TAFA1: variants seen among roughly 807,000 people sequenced by gnomAD.
TAFA1 encodes TAFA chemokine like family member 1, also known as chemokine-like protein TAFA-1.
Under a neutral mutation model 18.5 loss-of-function variants are expected in TAFA1, and 4 were observed. The ratio of observed to expected loss-of-function variants is 0.22; its 90% CI spans 0.11 to 0.49. The LOEUF is 0.49. Among genes scored for constraint, TAFA1 ranks in the 20% least tolerant of loss-of-function variants. The pLI is 0.98. For synonymous variants in TAFA1, 56 were observed against 55.2 expected, an observed-to-expected ratio of 1.01 and a Z score of -0.06; for missense variants, 147 against 169.0, an observed-to-expected ratio of 0.87 and a Z score of 0.72.
At chr3:67,996,508 G>C in the TAFA1 span, among the ~76,000 whole-genome samples, 2 of 152,076 alleles carry the variant, frequency 1.3e-5, no homozygotes, top group African/African-American at 4.8e-5. Context: ...GTCCAGAATG[G>C]TATAATATGG....
At chr3:68,263,221 A>T (rs909358143) in intron 2 of TAFA1, among the ~76,000 whole-genome samples, 3 of 152,104 alleles carry the variant, frequency 2.0e-5, no homozygotes, top group African/African-American at 7.2e-5. Flanking sequence ...AAATTGGTAA[A>T]AGTATACTTC....
At chr3:68,266,192 G>A (rs776871195) in intron 2 of TAFA1, among the ~76,000 whole-genome samples, 12 of 152,102 alleles carry the variant, frequency 7.9e-5, no homozygotes, top group Admixed American at 5.9e-4. Context: ...CTCATGTAGC[G>A]CGCTTTAATT....
chr3:68,372,518 T>C (rs2069727653), intron 2 of TAFA1, among the ~76,000 whole-genome samples: 1 of 152,178 alleles, frequency 6.6e-6, no homozygotes, highest in Admixed American at 6.5e-5. Flanking sequence ...TCTTTGGTGT[T>C]CCTCTGGGCA....
intron 2 of TAFA1, among the ~76,000 whole-genome samples, chr3:68,181,489 C>A (rs1245814612): frequency 6.6e-6 from 1 of 151,890 alleles, no homozygotes; most frequent in Non-Finnish European, 1.5e-5. Context: ...TACTCAGTAA[C>A]TATGAAGTAA....
rs565712443 is a variant in TAFA1 at position 68,138,979 on chromosome 3, C to T, written c.118+132235C>T. On this transcript the variant is annotated intron_variant, in intron 2 of 4. Transcript: ENST00000478136. ...AAGGGAGAAACTAAGAATGAACCAG[C>T]ATATCGACAGTTCCTCTGCTTTGTT... Among the ~76,000 whole-genome samples the T allele has an allele frequency of 2.0e-5, 3 of 152,304 alleles. No individual in the cohort carries two copies. In the East Asian group the frequency reaches 5.8e-4, roughly 29 times the overall value.
intron 2 of TAFA1, among the ~76,000 whole-genome samples, chr3:68,108,874 A>T (rs914269726): frequency 6.6e-6 from 1 of 152,088 alleles, no homozygotes; most frequent in Non-Finnish European, 1.5e-5. Context: ...ATCCCATTTC[A>T]CTCTGTAGAA....
chr3:68,479,423 A>C (rs552930011), intron 3 of TAFA1, among the ~76,000 whole-genome samples: 1 of 151,882 alleles, frequency 6.6e-6, no homozygotes, highest in Non-Finnish European at 1.5e-5. Context: ...AGCTCTTTCA[A>C]TGTCCTAAAT....
intron 2 of TAFA1, among the ~76,000 whole-genome samples, chr3:68,279,188 T>G (rs1054603885): frequency 2.6e-5 from 4 of 152,130 alleles, no homozygotes; most frequent in African/African-American, 9.7e-5. Context: ...AGAACCAGGA[T>G]AGCTAAAAAA....
intron 3 of TAFA1, among the ~76,000 whole-genome samples, chr3:68,499,444 T>C (rs1256791338): frequency 1.5e-5 from 1 of 65,136 alleles, no homozygotes; most frequent in African/African-American, 7.2e-5. Context: ...CTGTGTTCCT[T>C]TCTTTTTTTT....
In TAFA1 at chr3:68,339,845, T is replaced by C. The variant is rs116352533; in HGVS notation, c.119-77435T>C. On this transcript the variant is annotated intron_variant, in intron 2 of 4. Transcript: ENST00000478136. Reference sequence around the variant, plus strand: ...GGGGTGGAGGGGCTATGATTTGTACTGTTCACCGATTTGTAAGGTGTAAAT... The same window carrying C: ...GGGGTGGAGGGGCTATGATTTGTACCGTTCACCGATTTGTAAGGTGTAAAT... Among the ~76,000 whole-genome samples the C allele has an allele frequency of 6.0e-3, 915 of 152,310 alleles. 5 individuals carry two copies. Among genetic ancestry groups the C allele is most frequent in the African/African-American group, 0.02 (843 of 41,574 alleles).
upstream of TAFA1, among the ~76,000 whole-genome samples, chr3:67,999,381 C>T (rs912730527): frequency 1.3e-5 from 2 of 151,758 alleles, no homozygotes; most frequent in Admixed American, 6.6e-5. Flanking sequence ...ATTCTAACAT[C>T]ATCTATGCTA....
intron 2 of TAFA1, among the ~76,000 whole-genome samples, chr3:68,319,997 C>T (rs758646490): frequency 6.6e-6 from 1 of 152,000 alleles, no homozygotes; most frequent in East Asian, 1.9e-4. Context: ...GATAATTTTA[C>T]CTGAATATTT....
chr3:68,529,790 C>G (rs1227216005), intron 3 of TAFA1, among the ~76,000 whole-genome samples: 2 of 152,112 alleles, frequency 1.3e-5, no homozygotes, highest in African/African-American at 4.8e-5. Context: ...CTCACCCTCC[C>G]CTGTAGGGGA....
At position 68,351,503 on chromosome 3, in the gene TAFA1, G is replaced by T. The variant is rs561531044; in HGVS notation, c.119-65777G>T. 5.3e-5 allele frequency among the ~76,000 whole-genome samples: 8 copies of T among 152,006 alleles called. 1 individual carries two copies. Among genetic ancestry groups the T allele is most frequent in the South Asian group, 4.1e-4 (2 of 4,826 alleles). ...TGTTACAAAAGATAGATTAACAAGAGAAAAATAAAAGTTTATTAACATGTG... is the reference window on the plus strand; with the variant it reads ...TGTTACAAAAGATAGATTAACAAGATAAAAATAAAAGTTTATTAACATGTG... On this transcript the variant is annotated intron_variant, in intron 2 of 4. Transcript: ENST00000478136.
chr3:68,483,510 T>A (rs148066965), intron 3 of TAFA1, among the ~76,000 whole-genome samples: 11 of 152,326 alleles, frequency 7.2e-5, no homozygotes, highest in African/African-American at 2.6e-4. Flanking sequence ...CCCACTACCC[T>A]GCTTTAGAGG....
intron 2 of TAFA1, among the ~76,000 whole-genome samples, chr3:68,209,190 C>A (rs2066563768): frequency 6.6e-6 from 1 of 151,968 alleles, no homozygotes; most frequent in Non-Finnish European, 1.5e-5. Context: ...AGAACACAGC[C>A]AGCTGACAGA....
At chr3:68,488,428 C>A (rs1205534388) in intron 3 of TAFA1, among the ~76,000 whole-genome samples, 5 of 152,222 alleles carry the variant, frequency 3.3e-5, no homozygotes, top group Non-Finnish European at 4.4e-5. Context: ...TGTTAATCTT[C>A]TTTTGCAACA....
intron 2 of TAFA1, among the ~76,000 whole-genome samples, chr3:68,117,599 G>A (rs1231709279): frequency 6.6e-6 from 1 of 152,192 alleles, no homozygotes; most frequent in East Asian, 1.9e-4. Context: ...TTCTGCAAAT[G>A]AGAGTTTCAC....
chr3:68,512,701 T>C (rs991715958), intron 3 of TAFA1, among the ~76,000 whole-genome samples: 59 of 151,848 alleles, frequency 3.9e-4, no homozygotes, highest in African/African-American at 1.1e-3. Flanking sequence ...TGTTTGTTTG[T>C]TTGTTTGTTT....
Sources: allele counts gnomAD v4.1 joint callset (sites outside exome capture counted in the v4.1 genomes callset), GRCh38; gene constraint gnomAD v4.1.1; transcripts MANE v1.5; gene names NCBI Gene and HGNC (gene_info 2026-07-23, HGNC 2026-07-21).